The following METAP1 variants were observed in gnomAD, a reference collection of about 807,000 sequenced individuals.
METAP1 encodes methionine aminopeptidase 1.
A neutral mutation model predicts 53.8 loss-of-function variants in METAP1; 28 were observed. The ratio of observed to expected loss-of-function variants is 0.52; its 90% CI spans 0.39 to 0.71. The LOEUF (loss-of-function observed/expected upper bound fraction) is 0.71. Among genes scored for constraint, METAP1 ranks in the 30% least tolerant of loss-of-function variants. The probability of loss-of-function intolerance (pLI) is 0.00; values close to 1 mark genes in which losing one functional copy is unlikely to be tolerated. For missense variants in METAP1, 389 were observed against 479.8 expected (o/e 0.81, Z 1.77); for synonymous variants, 181 against 165.7 (o/e 1.09, Z -0.71).
chr4:99,014,570 A>G (rs1365694358), intron 1 of METAP1, among the ~76,000 whole-genome samples: 1 of 152,176 alleles, frequency 6.6e-6, no homozygotes, highest in Non-Finnish European at 1.5e-5. Context: ...CTGGCCTTAA[A>G]TTCATCAGGA....
At chr4:99,013,923 C>G (rs1723612198) in intron 1 of METAP1, among the ~76,000 whole-genome samples, 1 of 152,154 alleles carries the variant, frequency 6.6e-6, no homozygotes, top group South Asian at 2.1e-4. Context: ...CCTTTCAATT[C>G]CCTCCTCTTT....
chr4:99,053,172 A>T (rs1041007762), intron 9 of METAP1, among the ~76,000 whole-genome samples: 1 of 152,182 alleles, frequency 6.6e-6, no homozygotes, highest in East Asian at 1.9e-4. Flanking sequence ...TGCCCAACTC[A>T]TGTTAATATT....
At chr4:99,003,018 G>C (rs1361329689) in intron 1 of METAP1, among the ~76,000 whole-genome samples, 1 of 152,160 alleles carries the variant, frequency 6.6e-6, no homozygotes, top group Non-Finnish European at 1.5e-5. Context: ...TCAGTGAGCT[G>C]AGATTGCGCC....
chr4:99,006,446 A>G (rs1032217543), intron 1 of METAP1, among the ~76,000 whole-genome samples: 1 of 152,162 alleles, frequency 6.6e-6, no homozygotes, highest in African/African-American at 2.4e-5. Flanking sequence ...TGTTTTATTT[A>G]TGTGTGCTTG....
chr4:99,057,910 T>A, intron 10 of METAP1, 92 bp downstream of exon 10: 1 of 1,120,818 alleles, frequency 8.9e-7, no homozygotes, highest in South Asian at 1.5e-5. Flanking sequence ...ACCTGCTTGC[T>A]TTTTGCTTCC....
chr4:99,049,540 A>G (rs1189904689), intron 9 of METAP1, among the ~76,000 whole-genome samples: 1 of 152,206 alleles, frequency 6.6e-6, no homozygotes, highest in Admixed American at 6.5e-5. Context: ...GCCGTGTGAT[A>G]CAATAACAAA....
chr4:99,059,736 C>T (rs571351335), intron 10 of METAP1, among the ~76,000 whole-genome samples: 1 of 152,052 alleles, frequency 6.6e-6, no homozygotes, highest in African/African-American at 2.4e-5. Flanking sequence ...CCCTTCACCC[C>T]CTTTCCCTCC....
rs1329521801 is a variant in METAP1, at chr4:99,034,230, A to C, written c.167A>C (p.Lys56Thr). ...ATHKLLHKKA[K>T]DEKAKREVSS... ...TCATATCTATTCCTCCGTCTCCCAG[A>C]AGATGAAAAGGCGAAGCGAGAAGTG... Residue 56 changes from lysine to threonine, a missense_variant and splice_region_variant, in exon 3 of 11, where the codon AAA becomes ACA. Physicochemically the swap from Lys to Thr is moderately conservative, Grantham distance 78 (BLOSUM62 -1). Transcript: ENST00000296411. The C allele has an allele frequency of 6.5e-7, 1 of 1,535,584 alleles. No individual in the cohort carries two copies. Among genetic ancestry groups the C allele is most frequent in the South Asian group, 1.2e-5 (1 of 83,676 alleles).
chr4:99,036,296 G>C (rs1725418228), intron 4 of METAP1, among the ~76,000 whole-genome samples: 1 of 152,000 alleles, frequency 6.6e-6, no homozygotes, highest in Non-Finnish European at 1.5e-5. Flanking sequence ...TTAAATTTTA[G>C]TTAAACCCTA....
intron 1 of METAP1, among the ~76,000 whole-genome samples, chr4:99,013,390 C>T (rs1723579008): frequency 6.6e-6 from 1 of 152,138 alleles, no homozygotes; most frequent in Non-Finnish European, 1.5e-5. Flanking sequence ...AAAATATTGC[C>T]TGGACTAGGC....
chr4:99,061,036 C>G (rs1353903208), intron 10 of METAP1, 118 bp from the exon 11 acceptor site: 26 of 1,069,998 alleles, frequency 2.4e-5, no homozygotes, highest in Non-Finnish European at 3.3e-5. Flanking sequence ...AAGGCATTAG[C>G]TAAAACAATT....
chr4:99,058,295 CCTG>C (rs946798319), intron 10 of METAP1, among the ~76,000 whole-genome samples: 2 of 152,118 alleles, frequency 1.3e-5, no homozygotes, highest in African/African-American at 4.8e-5. Context: ...GGGTAGCTTG[CCTG>C]TAACTTAGCT....
chr4:99,054,367 C>T (rs550807082), intron 9 of METAP1, among the ~76,000 whole-genome samples: 27 of 152,302 alleles, frequency 1.8e-4, no homozygotes, highest in Non-Finnish European at 3.5e-4. Flanking sequence ...AACTTTTCTT[C>T]TGCAGCTTTG....
chr4:99,033,073 G>A (rs1431640307), intron 2 of METAP1, among the ~76,000 whole-genome samples: 1 of 152,078 alleles, frequency 6.6e-6, no homozygotes, highest in Non-Finnish European at 1.5e-5. Flanking sequence ...AGTACTGGAC[G>A]GGGGCTGGCA....
intron 8 of METAP1, among the ~76,000 whole-genome samples, chr4:99,046,936 C>CAAGAAAAAAAAA (rs1726292754): frequency 1.2e-5 from 1 of 82,208 alleles, no homozygotes; most frequent in African/African-American, 3.7e-5. Flanking sequence ...ACTGAAGAAA[C>CAAGAAAAAAAAA]AAAAAAAAAA....
At chr4:99,014,616 A>G (rs916775223) in intron 1 of METAP1, among the ~76,000 whole-genome samples, 1 of 152,190 alleles carries the variant, frequency 6.6e-6, no homozygotes, top group African/African-American at 2.4e-5. Flanking sequence ...CTAGGTGGAT[A>G]TGAGGATCAA....
Position 99,019,220 on chromosome 4 carries a change from C to T in METAP1, c.115-9647C>T, listed in dbSNP as rs758952087. ...ACAGCTGAGGCCACTTGGAGAAAAG[C>T]GTAAGGAAGAACAAGTAGCTCCAGA... On this transcript the variant is annotated intron_variant, in intron 1 of 10. Coordinates refer to ENST00000296411, the MANE Select transcript of METAP1 (RefSeq NM_015143.3). Among the ~76,000 whole-genome samples the T allele has an allele frequency of 5.3e-5, 8 of 152,186 alleles. No homozygotes were observed. In the East Asian group the frequency reaches 9.7e-4, roughly 18 times the overall value.
At chr4:99,032,853 A>G (rs1027571312) in intron 2 of METAP1, among the ~76,000 whole-genome samples, 21 of 152,190 alleles carry the variant, frequency 1.4e-4, no homozygotes, top group African/African-American at 4.6e-4. Flanking sequence ...AAGTTTTCCT[A>G]TTGATATTAA....
intron 2 of METAP1, among the ~76,000 whole-genome samples, chr4:99,033,622 C>T (rs1454244843): frequency 6.6e-6 from 1 of 152,190 alleles, no homozygotes; most frequent in Non-Finnish European, 1.5e-5. Context: ...ACCGTTCCCT[C>T]CCTTGTCTTT....
Sources: allele counts gnomAD v4.1 joint callset (sites outside exome capture counted in the v4.1 genomes callset), GRCh38; gene constraint gnomAD v4.1.1; transcripts MANE v1.5; gene names NCBI Gene and HGNC (gene_info 2026-07-23, HGNC 2026-07-21).